The following HMGCL variants were observed in gnomAD, a reference collection of about 807,000 sequenced individuals.
The protein encoded by HMGCL is 3-hydroxy-3-methylglutaryl-CoA lyase, also known as hydroxymethylglutaryl-CoA lyase, mitochondrial.
A neutral mutation model predicts 37.3 loss-of-function variants in HMGCL; 26 were observed. The ratio of observed to expected loss-of-function variants is 0.70; its 90% CI spans 0.51 to 0.97. The LOEUF (loss-of-function observed/expected upper bound fraction) is 0.97, where lower values mean the gene tolerates loss of function less well. Ranked by LOEUF, HMGCL falls within the 50% of genes least tolerant of loss-of-function variation. The pLI is 0.00. For missense variants in HMGCL, 379 were observed against 398.1 expected (o/e 0.95, Z 0.41); for synonymous variants, 151 against 148.0 (o/e 1.02, Z -0.15).
chr1:23,812,032 C>A (rs1377823872), intron 5 of HMGCL, among the ~76,000 whole-genome samples: 1 of 152,150 alleles, frequency 6.6e-6, no homozygotes, highest in Admixed American at 6.5e-5. Context: ...TACTGGAGCA[C>A]CTGCTTCCCC....
intron 1 of HMGCL, among the ~76,000 whole-genome samples, chr1:23,822,431 G>A (rs1638738469): frequency 6.6e-6 from 1 of 151,930 alleles, no homozygotes; most frequent in Admixed American, 6.6e-5. Flanking sequence ...TCCTCTACCT[G>A]TCTTGATACT....
rs754437215 is a variant in HMGCL, at chr1:23,825,396, G to C, written c.20C>G (p.Ala7Gly). 26 of 1,560,600 alleles carry C rather than the reference G, an allele frequency of 1.7e-5. No individual in the cohort carries two copies. Among genetic ancestry groups the C allele is most frequent in the South Asian group, 1.3e-4 (11 of 84,796 alleles). Residue 7 changes from alanine (A) to glycine (G), a missense_variant, in exon 1 of 9, where the codon GCG becomes GGG. Coordinates refer to ENST00000374490, the MANE Select transcript of HMGCL (RefSeq NM_000191.3). ...CAAGCCCACCAGTCGCCGCGGAAGC[G>C]CCTTCCTCATTGCTGCCATCTTGGC... MAAMRK[A>G]LPRRLVGLAS...
intron 4 of HMGCL, 142 bp downstream of exon 4, chr1:23,816,533 C>T (rs1047055198): frequency 1.3e-6 from 1 of 742,672 alleles, no homozygotes; most frequent in Non-Finnish European, 2.5e-6. Flanking sequence ...AGTGGCAGGG[C>T]CAGGTTTGCC....
chr1:23,818,110 T>C (rs113600797), intron 2 of HMGCL, among the ~76,000 whole-genome samples: 4 of 152,294 alleles, frequency 2.6e-5, no homozygotes, highest in African/African-American at 9.6e-5. Flanking sequence ...TTCTCTTGCA[T>C]CAAAAGCTTT....
At chr1:23,816,404 A>T (rs898432463) in intron 4 of HMGCL, 6 of 505,438 alleles carry the variant, frequency 1.2e-5, no homozygotes, top group Non-Finnish European at 2.2e-5. Flanking sequence ...GTTACCTTTT[A>T]TCTGGCTCTT....
chr1:23,808,304 GAGT>G lies in HMGCL; in HGVS notation c.578_580del (p.Tyr193del). 6.2e-7 allele frequency: 1 copy of G among 1,614,014 alleles called. No homozygotes were observed. Reference sequence around the variant, plus strand: ...CAGGGAGATCTCGTAGCAGCCCATTGAGTAGAACTTCTTGGTGACCTAAGGAAG... The same window carrying G: ...CAGGGAGATCTCGTAGCAGCCCATTGAGAACTTCTTGGTGACCTAAGGAAG... On this transcript the variant is annotated inframe_deletion, in exon 7 of 9. Transcript: ENST00000374490.
At position 23,808,132 on chromosome 1, in the gene HMGCL, T is replaced by A; in HGVS notation, c.750+3A>T. On this transcript the variant is annotated splice_donor_region_variant and intron_variant, in intron 7 of 8. Transcript: ENST00000374490. ...GGGAGAATGGGCATATGCTTTTGAT[T>A]ACCTGCAGGGCCATCAAGGTGTTGG... is the stretch of plus-strand genomic sequence containing the variant. The A allele has an allele frequency of 6.2e-7, 1 of 1,613,466 alleles. No homozygotes were observed.
rs763494292 is a variant in HMGCL, at chr1:23,820,545, C to A, written c.109G>T (p.Glu37Ter). ...GTLPKRVKIV[E>*]VGPRDGLQNE... ...TGTAGTCCATCTCGGGGACCAACTT[C>A]CACAATTTTCACCCGCTTTGGTAAA... is the stretch of plus-strand genomic sequence containing the variant. The change falls in exon 2 of 9, where the codon GAA (glutamate) becomes TAA (stop). Residue 37 changes from glutamate to a stop codon, truncating the protein, a stop_gained. Coordinates refer to ENST00000374490, the MANE Select transcript of HMGCL (RefSeq NM_000191.3). LOFTEE classifies it high-confidence loss of function. 2.8e-5 allele frequency: 45 copies of A among 1,614,004 alleles called. No homozygotes were observed. The Admixed American group carries it at 3.5e-4, about 13-fold the overall frequency.
intron 7 of HMGCL, among the ~76,000 whole-genome samples, chr1:23,804,876 A>ACCCC (rs138996016): frequency 3.3e-5 from 2 of 61,282 alleles, no homozygotes; most frequent in African/African-American, 7.0e-5. Context: ...TTCATTTATT[A>ACCCC]CCCCCCCCCC....
Position 23,814,216 on chromosome 1 carries a change from C to G in HMGCL, c.471G>C (p.Ala157=). 6.2e-7 allele frequency: 1 copy of G among 1,613,928 alleles called. No homozygotes were observed. The highest frequency in any genetic ancestry group is 8.5e-7 in the Non-Finnish European group (1 of 1,180,008). Residue 157 remains alanine (A), a synonymous_variant, in exon 5 of 9, where the codon GCG becomes GCC. Coordinates refer to ENST00000374490, the MANE Select transcript of HMGCL (RefSeq NM_000191.3). The part of the protein sequence containing the change: ...FQRFDAILKA[A]QSANISVRGY... ...CCCGCACAGAAATATTGGCTGACTG[C>G]GCTGCCTTCAGGATTGCGTCAAACC...
chr1:23,809,418 T>G (rs1638479110), intron 6 of HMGCL: 1 of 151,434 alleles, frequency 6.6e-6, no homozygotes, highest in African/African-American at 2.4e-5. Flanking sequence ...TTTTGTATTT[T>G]TAGTAGAGAC....
chr1:23,804,875 T>TCCC (rs1557486142), intron 7 of HMGCL, among the ~76,000 whole-genome samples: 1 of 113,914 alleles, frequency 8.8e-6, no homozygotes, highest in African/African-American at 3.5e-5. Context: ...ATTCATTTAT[T>TCCC]ACCCCCCCCC....
chr1:23,806,839 G>A lies in HMGCL; in HGVS notation c.750+1296C>T. The A allele has an allele frequency of 2.4e-6, 1 of 411,932 alleles. No homozygotes were observed. The highest frequency in any genetic ancestry group is 2.7e-5 in the Admixed American group (1 of 36,572). The allele number at this position is 411,932 out of a possible 1,614,324, so 25.5% of individuals were successfully genotyped here. A position where few individuals can be genotyped will look rare whatever the true frequency, so the allele number is the denominator to read the frequency against. ...ATAGGTGAATAAATGGTCTTACAATGTGCTATTTACACGCCTGTAATCTTC... is the reference window on the plus strand; with the variant it reads ...ATAGGTGAATAAATGGTCTTACAATATGCTATTTACACGCCTGTAATCTTC... On this transcript the variant is annotated intron_variant, in intron 7 of 8. Coordinates refer to ENST00000374490, the MANE Select transcript of HMGCL (RefSeq NM_000191.3). This position sits in a 1 kb window ranked among gnomAD's most constrained non-coding sequence, Gnocchi z 4.0.
In HMGCL at chr1:23,802,917, G is replaced by A. The variant is rs11583935; in HGVS notation, c.877-353C>T. 7.2e-5 allele frequency among the ~76,000 whole-genome samples: 11 copies of A among 152,362 alleles called. No individual in the cohort carries two copies. In the South Asian group the frequency reaches 2.3e-3, roughly 32 times the overall value. On this transcript the variant is annotated intron_variant, in intron 8 of 8. Transcript: ENST00000374490. ...CAAGTGACAATTGTGAGGCAGAGAG[G>A]GAGGGATAAAAACACCAACTGAAAG...
intron 6 of HMGCL, among the ~76,000 whole-genome samples, chr1:23,809,133 T>A (rs1370902130): frequency 6.6e-6 from 1 of 150,588 alleles, no homozygotes; most frequent in African/African-American, 2.4e-5. Context: ...CTTGAACTCC[T>A]GACCTCAGGT....
chr1:23,810,907 C>T (rs1638509041), intron 5 of HMGCL, 108 bp from the exon 6 acceptor site: 5 of 855,768 alleles, frequency 5.8e-6, no homozygotes, highest in Non-Finnish European at 9.8e-6. Context: ...CAATCAACAC[C>T]TGCAGCTGGG....
Position 23,806,318 on chromosome 1 carries a change from TAGCTTCCC to T in HMGCL, c.751-1801_751-1794del, listed in dbSNP as rs1638408336. Among the ~76,000 whole-genome samples the T allele has an allele frequency of 6.6e-6, 1 of 152,148 alleles. No individual in the cohort carries two copies. Among genetic ancestry groups the T allele is most frequent in the African/African-American group, 2.4e-5 (1 of 41,442 alleles). ...CCCGCCCCTGCTCAAGACTCTCTGTTAGCTTCCCAGCTCAGTCTGAAAGAGTCAAAGTC... is the reference window on the plus strand; with the variant it reads ...CCCGCCCCTGCTCAAGACTCTCTGTTAGCTCAGTCTGAAAGAGTCAAAGTC... On this transcript the variant is annotated intron_variant, in intron 7 of 8. Coordinates refer to ENST00000374490, the MANE Select transcript of HMGCL (RefSeq NM_000191.3). The surrounding 1 kb of genome is among the most constrained non-coding windows in gnomAD (Gnocchi z 4.0).
chr1:23,807,789 C>T (rs1006540099), intron 7 of HMGCL, among the ~76,000 whole-genome samples: 1 of 152,180 alleles, frequency 6.6e-6, no homozygotes, highest in African/African-American at 2.4e-5. Context: ...CTTCCCTCAA[C>T]AGCAGCTTAC....
In HMGCL at chr1:23,806,926, C is replaced by T; in HGVS notation, c.750+1209G>A. 1 of 517,756 alleles carries T rather than the reference C, an allele frequency of 1.9e-6. No homozygotes were observed. 32.1% of individuals were successfully genotyped at this position (517,756 alleles called of 1,614,324 possible). ...AGAGGGCAGGGATTGGGTCTTGTTA[C>T]CATTGTCTAAGTCAGCACTTAACCT... is the stretch of plus-strand genomic sequence containing the variant. On this transcript the variant is annotated intron_variant, in intron 7 of 8. Transcript: ENST00000374490. This position sits in a 1 kb window ranked among gnomAD's most constrained non-coding sequence, Gnocchi z 4.0.
Sources: allele counts gnomAD v4.1 joint callset (sites outside exome capture counted in the v4.1 genomes callset), GRCh38; gene constraint gnomAD v4.1.1; non-coding constraint Gnocchi (gnomAD v3.1); transcripts MANE v1.5; gene names NCBI Gene and HGNC (gene_info 2026-07-23, HGNC 2026-07-21).